Variants in ADAMTS19 observed in about 807,000 individuals in gnomAD.
ADAMTS19 encodes A disintegrin and metalloproteinase with thrombospondin motifs 19.
A neutral mutation model predicts 153.3 loss-of-function variants in ADAMTS19; 93 were observed. The observed-to-expected ratio is 0.61, with a 90% CI of 0.51 to 0.72. ADAMTS19 has a LOEUF of 0.72. Among genes scored for constraint, ADAMTS19 ranks in the 30% least tolerant of loss-of-function variants. ADAMTS19 has a pLI of 0.00. For synonymous variants in ADAMTS19, 600 were observed against 556.6 expected (o/e 1.08, Z -1.10); for missense variants, 1,482 against 1,552.1 (o/e 0.95, Z 0.76).
intron 21 of ADAMTS19, among the ~76,000 whole-genome samples, chr5:129,719,886 C>G (rs965441425): frequency 5.3e-5 from 8 of 151,760 alleles, no homozygotes; most frequent in African/African-American, 1.9e-4. Flanking sequence ...ACTAAAAATA[C>G]AAAAATTAGC....
chr5:129,712,850 G>A (rs931336336), intron 21 of ADAMTS19, among the ~76,000 whole-genome samples: 4 of 152,016 alleles, frequency 2.6e-5, no homozygotes, highest in Admixed American at 1.3e-4. Context: ...TCTCCCCTAC[G>A]TGTGTGTATG....
At chr5:129,495,038 C>G (rs1337187035) in intron 2 of ADAMTS19, among the ~76,000 whole-genome samples, 1 of 151,954 alleles carries the variant, frequency 6.6e-6, no homozygotes, top group Non-Finnish European at 1.5e-5. Context: ...TCCACTTCAA[C>G]TGAATCAATA....
chr5:129,626,916 A>C (rs1369310803), intron 10 of ADAMTS19, among the ~76,000 whole-genome samples: 1 of 152,154 alleles, frequency 6.6e-6, no homozygotes, highest in African/African-American at 2.4e-5. Flanking sequence ...ATTTCTTATA[A>C]GGTGACCTGG....
At chr5:129,704,490 G>A in intron 21 of ADAMTS19, 99 bp downstream of exon 21, 2 of 1,387,502 alleles carry the variant, frequency 1.4e-6, no homozygotes, top group Non-Finnish European at 1.9e-6. Flanking sequence ...GAGGGAAGGA[G>A]AGTAGAATTA....
At chr5:129,650,233 C>T (rs983344423) in intron 13 of ADAMTS19, among the ~76,000 whole-genome samples, 2 of 152,112 alleles carry the variant, frequency 1.3e-5, no homozygotes, top group Non-Finnish European at 2.9e-5. Flanking sequence ...GGCTGAGTTG[C>T]AGCCACCAAA....
intron 6 of ADAMTS19, among the ~76,000 whole-genome samples, chr5:129,544,267 A>T (rs937557685): frequency 3.3e-5 from 5 of 152,202 alleles, no homozygotes; most frequent in African/African-American, 1.2e-4. Context: ...CACTTGTTGA[A>T]AGACATTTTT....
chr5:129,696,989 G>T (rs1418827984), intron 19 of ADAMTS19, among the ~76,000 whole-genome samples: 5 of 152,086 alleles, frequency 3.3e-5, no homozygotes, highest in African/African-American at 9.7e-5. Context: ...ACCTGGAAAG[G>T]GAAGGGGATT....
intron 8 of ADAMTS19, among the ~76,000 whole-genome samples, chr5:129,604,311 T>C (rs1750793972): frequency 6.6e-6 from 1 of 152,174 alleles, no homozygotes. Flanking sequence ...ACCTGGAGTA[T>C]ACTGACTTTT....
intron 6 of ADAMTS19, among the ~76,000 whole-genome samples, chr5:129,546,310 G>A (rs903283675): frequency 2.7e-5 from 4 of 150,188 alleles, no homozygotes; most frequent in East Asian, 3.9e-4. Flanking sequence ...TGGGTGCAGC[G>A]CACCAGCATG....
intron 2 of ADAMTS19, among the ~76,000 whole-genome samples, chr5:129,486,660 C>T (rs928069085): frequency 6.6e-6 from 1 of 151,954 alleles, no homozygotes; most frequent in African/African-American, 2.4e-5. Flanking sequence ...CTTACTTCCC[C>T]CTATTATGAG....
At chr5:129,466,630 AAAT>A (rs1358687109) in intron 2 of ADAMTS19, among the ~76,000 whole-genome samples, 1 of 152,166 alleles carries the variant, frequency 6.6e-6, no homozygotes, top group Non-Finnish European at 1.5e-5. Context: ...AATGAATATA[AAAT>A]AATAATAATA....
At chr5:129,608,836 G>T (rs4395665) in intron 8 of ADAMTS19, among the ~76,000 whole-genome samples, 83,488 of 142,322 alleles carry the variant, frequency 0.59, 25,586 homozygotes, top group Non-Finnish European at 0.69. Flanking sequence ...AATACAGCAA[G>T]ACTCTGTCTC....
intron 2 of ADAMTS19, among the ~76,000 whole-genome samples, chr5:129,492,725 T>C (rs1186929134): frequency 1.3e-5 from 2 of 152,154 alleles, no homozygotes; most frequent in African/African-American, 4.8e-5. Context: ...TTAAAATAAA[T>C]TCAAATCATA....
intron 18 of ADAMTS19, among the ~76,000 whole-genome samples, chr5:129,686,400 CAG>C (rs1755094701): frequency 6.6e-6 from 1 of 152,024 alleles, no homozygotes; most frequent in Non-Finnish European, 1.5e-5. Flanking sequence ...TTCTTAGTCT[CAG>C]GGTGCTAAAG....
At chr5:129,647,670 C>A (rs1477928710) in intron 11 of ADAMTS19, 95 bp from the exon 12 acceptor site, 2 of 1,449,176 alleles carry the variant, frequency 1.4e-6, no homozygotes, top group African/African-American at 1.4e-5. Flanking sequence ...CTCTAGTAGA[C>A]CTGATTTAAT....
intron 15 of ADAMTS19, among the ~76,000 whole-genome samples, chr5:129,665,057 C>G (rs765058550): frequency 6.6e-6 from 1 of 152,076 alleles, no homozygotes; most frequent in African/African-American, 2.4e-5. Context: ...CTTCAGTACT[C>G]CAGGGATTTA....
intron 8 of ADAMTS19, among the ~76,000 whole-genome samples, chr5:129,599,415 A>G (rs1391067857): frequency 1.3e-5 from 2 of 152,178 alleles, no homozygotes; most frequent in South Asian, 2.1e-4. Flanking sequence ...CTCTTGAGCT[A>G]TGCAGTAACA....
chr5:129,495,919 G>T (rs1750913602), intron 2 of ADAMTS19, among the ~76,000 whole-genome samples: 1 of 152,046 alleles, frequency 6.6e-6, no homozygotes, highest in Non-Finnish European at 1.5e-5. Flanking sequence ...GATTACAATA[G>T]ATTTTTAGCC....
chr5:129,615,633 C>G (rs1344846443), intron 8 of ADAMTS19, among the ~76,000 whole-genome samples: 1 of 151,920 alleles, frequency 6.6e-6, no homozygotes, highest in Admixed American at 6.6e-5. Context: ...TATTAATACA[C>G]TCATAAGAAC....
Sources: gnomAD v4.1 joint callset for allele counts (sites outside exome capture counted in the v4.1 genomes callset) on GRCh38, gnomAD v4.1.1 for gene constraint, MANE v1.5 for transcripts, NCBI Gene and HGNC (gene_info 2026-07-23, HGNC 2026-07-21) for gene names.